Variants in ANO4 observed in about 807,000 individuals in gnomAD.
The protein encoded by ANO4 is anoctamin 4.
Under a neutral mutation model 141.9 loss-of-function variants are expected in ANO4, and 69 were observed. The ratio of observed to expected loss-of-function variants is 0.49; its 90% CI spans 0.40 to 0.59. ANO4 has a LOEUF of 0.59. Among genes scored for constraint, ANO4 ranks in the 20% least tolerant of loss-of-function variants. The pLI is 0.00. For missense variants in ANO4, 894 were observed against 1,162.2 expected, an observed-to-expected ratio of 0.77 and a Z score of 3.36; for synonymous variants, 350 against 394.3, an observed-to-expected ratio of 0.89 and a Z score of 1.33.
At chr12:100,720,543 A>G (rs1356252993) in intron 1 of ANO4, among the ~76,000 whole-genome samples, 1 of 151,662 alleles carries the variant, frequency 6.6e-6, no homozygotes, top group Non-Finnish European at 1.5e-5. Context: ...GTTGTTATAT[A>G]ACTCCTCTCC....
intron 24 of ANO4, among the ~76,000 whole-genome samples, chr12:101,115,845 T>G (rs1265945868): frequency 2.0e-5 from 3 of 152,186 alleles, no homozygotes; most frequent in African/African-American, 7.2e-5. Context: ...TTTCCTCCAA[T>G]CAGATCGATT....
At chr12:100,935,830 A>G (rs1316680087) in intron 3 of ANO4, among the ~76,000 whole-genome samples, 1 of 152,184 alleles carries the variant, frequency 6.6e-6, no homozygotes, top group Non-Finnish European at 1.5e-5. Flanking sequence ...TTTTCTTCTT[A>G]GAGAATCAAT....
chr12:100,880,140 G>T (rs183365214), intron 1 of ANO4, among the ~76,000 whole-genome samples: 22 of 152,320 alleles, frequency 1.4e-4, no homozygotes, highest in Admixed American at 1.4e-3. Flanking sequence ...GGGGAAGGAG[G>T]TATGGACAGA....
chr12:100,826,116 A>G (rs2036324392), intron 1 of ANO4, among the ~76,000 whole-genome samples: 1 of 151,996 alleles, frequency 6.6e-6, no homozygotes, highest in Admixed American at 6.6e-5. Flanking sequence ...TTGATGTGGT[A>G]TTTTATAATG....
At chr12:100,826,765 A>G (rs2036366619) in intron 1 of ANO4, among the ~76,000 whole-genome samples, 1 of 152,038 alleles carries the variant, frequency 6.6e-6, no homozygotes, top group Admixed American at 6.6e-5. Context: ...TTTTTCTCCA[A>G]ACCAGTTCCT....
chr12:100,973,001 A>G (rs2043998765), intron 6 of ANO4, among the ~76,000 whole-genome samples: 1 of 152,264 alleles, frequency 6.6e-6, no homozygotes, highest in South Asian at 2.1e-4. Flanking sequence ...AGCAGCATTA[A>G]TACTGTTTTA....
intron 14 of ANO4, among the ~76,000 whole-genome samples, chr12:101,052,862 C>T (rs998507528): frequency 1.3e-4 from 20 of 152,270 alleles, no homozygotes; most frequent in African/African-American, 4.8e-4. Context: ...AAATTACTAA[C>T]CTCATTTTAT....
chr12:101,094,855 C>T lies in ANO4; in HGVS notation c.1738+563C>T, dbSNP rs145684295. 3.3e-3 allele frequency among the ~76,000 whole-genome samples: 498 copies of T among 152,172 alleles called. 6 individuals are homozygous for T. The highest frequency in any genetic ancestry group is 6.0e-3 in the Admixed American group (91 of 15,274). The stretch of plus-strand genomic sequence containing the variant: ...TTAAAAAATTAGCCAGGCATGGTGG[C>T]ATGTACCTGTAGTCTCAGCTACTCC... On this transcript the variant is annotated intron_variant, in intron 18 of 27. Coordinates refer to ENST00000392977, the MANE Select transcript of ANO4 (RefSeq NM_001286615.2).
chr12:101,076,542 T>A (rs116922601), intron 14 of ANO4, among the ~76,000 whole-genome samples: 1,729 of 152,156 alleles, frequency 0.011, 11 homozygotes, highest in Non-Finnish European at 0.017. Flanking sequence ...TGAAGAAGGG[T>A]GATGGAATAA....
chr12:101,063,331 G>C (rs988967624), intron 14 of ANO4, among the ~76,000 whole-genome samples: 1 of 152,192 alleles, frequency 6.6e-6, no homozygotes, highest in African/African-American at 2.4e-5. Flanking sequence ...GCCATCTTCT[G>C]TTCTCAATCC....
chr12:100,724,759 C>T (rs959117677), intron 1 of ANO4, among the ~76,000 whole-genome samples: 3 of 152,046 alleles, frequency 2.0e-5, no homozygotes, highest in African/African-American at 7.3e-5. Context: ...AAAGTCCAGG[C>T]CCAGGGAGGT....
Position 101,010,332 on chromosome 12 carries a change from A to G in ANO4, c.735-9702A>G, listed in dbSNP as rs539314317. ...TGTATTTAACACTTAGATAACGAAG[A>G]TGATATCATGAAGTACAATTAGAAA... On this transcript the variant is annotated intron_variant, in intron 8 of 27. Coordinates refer to ENST00000392977, the MANE Select transcript of ANO4 (RefSeq NM_001286615.2). Among the ~76,000 whole-genome samples the G allele has an allele frequency of 1.4e-4, 21 of 152,340 alleles. No individual in the cohort carries two copies. In the South Asian group the frequency reaches 1.9e-3, roughly 14 times the overall value.
chr12:100,901,197 C>T (rs948727428), intron 1 of ANO4, among the ~76,000 whole-genome samples: 1 of 152,130 alleles, frequency 6.6e-6, no homozygotes, highest in Non-Finnish European at 1.5e-5. Flanking sequence ...ATTCATTTTG[C>T]TTTTGGTATG....
At chr12:100,823,590 T>C (rs1321206900) in intron 1 of ANO4, among the ~76,000 whole-genome samples, 6 of 152,020 alleles carry the variant, frequency 3.9e-5, no homozygotes, top group Non-Finnish European at 7.4e-5. Context: ...TAGACTAAAA[T>C]CACGAGCCAG....
intron 1 of ANO4, among the ~76,000 whole-genome samples, chr12:100,849,644 A>G (rs1263695582): frequency 6.6e-6 from 1 of 152,152 alleles, no homozygotes; most frequent in Non-Finnish European, 1.5e-5. Context: ...TTACTAGTCC[A>G]TTATTGATGG....
At chr12:101,126,755 C>T (rs2051332228) in intron 26 of ANO4, 124 bp from the exon 27 acceptor site, 1 of 802,346 alleles carries the variant, frequency 1.2e-6, no homozygotes, top group East Asian at 2.7e-5. Flanking sequence ...ATTACACACG[C>T]CTCCCCTGGT....
intron 5 of ANO4, among the ~76,000 whole-genome samples, chr12:100,970,697 C>A (rs942833666): frequency 7.8e-6 from 1 of 127,888 alleles, no homozygotes; most frequent in African/African-American, 2.9e-5. Flanking sequence ...TTCCTTCCTT[C>A]CTTCCTTCCT....
intron 8 of ANO4, among the ~76,000 whole-genome samples, chr12:100,993,822 C>T (rs1168146100): frequency 6.6e-6 from 1 of 151,938 alleles, no homozygotes; most frequent in Non-Finnish European, 1.5e-5. Context: ...CCTGTGTGCC[C>T]AGAAGAAAAA....
chr12:100,894,989 A>G (rs1334551118), intron 1 of ANO4, among the ~76,000 whole-genome samples: 1 of 151,198 alleles, frequency 6.6e-6, no homozygotes, highest in East Asian at 1.9e-4. Context: ...AAAGAAAAAG[A>G]AAAGCTCCAG....
Sources: allele counts gnomAD v4.1 joint callset (sites outside exome capture counted in the v4.1 genomes callset), GRCh38; gene constraint gnomAD v4.1.1; transcripts MANE v1.5; gene names NCBI Gene and HGNC (gene_info 2026-07-23, HGNC 2026-07-21).